Variants in TRMT44 observed in about 807,000 individuals in gnomAD.
TRMT44 encodes the protein tRNA methyltransferase 44 homolog, also known as probable tRNA (uracil-O(2)-)-methyltransferase.
Under a neutral mutation model 77.3 loss-of-function variants are expected in TRMT44, and 78 were observed. That is an observed-to-expected ratio of 1.01 (90% CI 0.84 to 1.22). The LOEUF is 1.22. Ranked by LOEUF, TRMT44 falls within the 50% of genes most tolerant of loss-of-function variation. The pLI is 0.00. For missense variants in TRMT44, 1,090 were observed against 964.4 expected (o/e 1.13, Z -1.73); for synonymous variants, 391 against 383.3 (o/e 1.02, Z -0.23).
At chr4:8,514,819 AAAGGCCCCC>A in the TRMT44 span, among the ~76,000 whole-genome samples, 2 of 152,222 alleles carry the variant, frequency 1.3e-5, no homozygotes, top group Middle Eastern at 3.2e-3. Flanking sequence ...AGTTACCTGC[AAAGGCCCCC>A]AAGCTCAGGC....
chr4:8,458,465 T>A (rs897940124), intron 6 of TRMT44, among the ~76,000 whole-genome samples: 1 of 71,000 alleles, frequency 1.4e-5, no homozygotes, highest in Non-Finnish European at 3.6e-5. Context: ...TTTTCTTTTC[T>A]TTTTTTTTTT....
downstream of TRMT44, among the ~76,000 whole-genome samples, chr4:8,479,949 C>T: frequency 6.6e-6 from 1 of 152,084 alleles, no homozygotes; most frequent in Admixed American, 6.5e-5. Flanking sequence ...GCCATCTCGG[C>T]TCACTACAGT....
At chr4:8,455,348 G>T (rs1725737583) in intron 6 of TRMT44, among the ~76,000 whole-genome samples, 1 of 152,358 alleles carries the variant, frequency 6.6e-6, no homozygotes, top group East Asian at 1.9e-4. Context: ...GCTTCTTGGA[G>T]CACCCCCATG....
the TRMT44 span, among the ~76,000 whole-genome samples, chr4:8,499,576 AGTGTCCTGAGGGTCGATTTAGT>A: frequency 0.48 from 67,668 of 140,690 alleles, 16,484 homozygotes; most frequent in Admixed American, 0.53. Flanking sequence ...GAGGGAGGGG[AGTGTCCTGAGGGTCGATTTAGT>A]GTGTCCTGAG....
At chr4:8,456,521 T>G (rs1725818575) in intron 6 of TRMT44, among the ~76,000 whole-genome samples, 1 of 146,808 alleles carries the variant, frequency 6.8e-6, no homozygotes, top group Non-Finnish European at 1.5e-5. Flanking sequence ...GATAAATGAA[T>G]CCAGTGTAAG....
At chr4:8,495,138 G>A (rs1728114827), downstream of TRMT44, among the ~76,000 whole-genome samples, 1 of 152,234 alleles carries the variant, frequency 6.6e-6, no homozygotes, top group South Asian at 2.1e-4. Flanking sequence ...GAGACCCCAG[G>A]TTAGGGTAGG....
chr4:8,442,849 G>A (rs746418117), intron 1 of TRMT44, among the ~76,000 whole-genome samples: 1 of 152,052 alleles, frequency 6.6e-6, no homozygotes, highest in African/African-American at 2.4e-5. Flanking sequence ...TCTCTCCTCC[G>A]CCTCCAGCCA....
intron 9 of TRMT44, 110 bp from the exon 10 acceptor site, chr4:8,470,974 G>A (rs1726950022): frequency 2.8e-6 from 2 of 726,152 alleles, no homozygotes; most frequent in Non-Finnish European, 4.8e-6. Context: ...GTGCTGGAGT[G>A]CATAACGCGT....
At position 8,473,957 on chromosome 4, in the gene TRMT44, C is replaced by A. The variant is rs560531295; in HGVS notation, c.2045-1815C>A. Among the ~76,000 whole-genome samples, 6 of 152,316 alleles carry A rather than the reference C, an allele frequency of 3.9e-5. No individual in the cohort carries two copies. The South Asian group carries it at 1.0e-3, about 26-fold the overall frequency. ...TCGGGAGCCTCATCTCTATCATCAG[C>A]GCCCGCTCCTCAGTCCTTAGACACC... On this transcript the variant is annotated intron_variant, in intron 10 of 10. Transcript: ENST00000389737.
intron 10 of TRMT44, among the ~76,000 whole-genome samples, chr4:8,474,348 G>A (rs1212922645): frequency 6.6e-6 from 1 of 152,152 alleles, no homozygotes; most frequent in East Asian, 1.9e-4. Context: ...AGTGTCGCGG[G>A]ACTGCCTTAA....
At chr4:8,460,537 C>G (rs1171080732) in intron 6 of TRMT44, among the ~76,000 whole-genome samples, 1 of 150,716 alleles carries the variant, frequency 6.6e-6, no homozygotes, top group Non-Finnish European at 1.5e-5. Context: ...TATTCCAAAA[C>G]TATTTTTATG....
rs575935987 is a variant in TRMT44 at position 8,490,535 on chromosome 4, C to G, written n.3892-2731C>G. Among the ~76,000 whole-genome samples the G allele has an allele frequency of 3.4e-4, 52 of 152,142 alleles. 1 individual carries two copies. In the East Asian group the frequency reaches 6.8e-3, roughly 20 times the overall value. On this transcript the variant is annotated intron_variant and non_coding_transcript_variant, in intron 2 of 2. Coordinates refer to the TRMT44 transcript ENST00000511366. The stretch of plus-strand genomic sequence containing the variant: ...TGGCTTCAGGAGTGAAGCCGCAGAC[C>G]TTCGCGGTGAGTGTTACAGTTCTTA...
In TRMT44 at chr4:8,444,022, A is replaced by C. The variant is rs949319633; in HGVS notation, c.620-2454A>C. ...TGTTAGTAGCAGGTGACAGGATGAC[A>C]TAGTGGTTAAGAACTTGACTTCTTT... On this transcript the variant is annotated intron_variant, in intron 1 of 10. Transcript: ENST00000389737. This position sits in a 1 kb window ranked among gnomAD's most constrained non-coding sequence, Gnocchi z 4.0. 6.6e-6 allele frequency among the ~76,000 whole-genome samples: 1 copy of C among 152,118 alleles called. No homozygotes were observed. The highest frequency in any genetic ancestry group is 1.9e-4 in the East Asian group (1 of 5,198).
rs1725434531 is a variant in TRMT44 at position 8,451,302 on chromosome 4, T to C, written c.955-658T>C. ...TTTTTCCAGCTTTTGAAATTGTTTC[T>C]AGTGGGATGGTTCATCTGTATTGTC... On this transcript the variant is annotated intron_variant, in intron 3 of 10. Transcript: ENST00000389737. The surrounding 1 kb of genome is among the most constrained non-coding windows in gnomAD (Gnocchi z 4.1). 6.6e-6 allele frequency among the ~76,000 whole-genome samples: 1 copy of C among 152,198 alleles called. No individual in the cohort carries two copies. Among genetic ancestry groups the C allele is most frequent in the Non-Finnish European group, 1.5e-5 (1 of 68,046 alleles).
chr4:8,468,507 T>A, intron 9 of TRMT44, 161 bp downstream of exon 9: 1 of 692,220 alleles, frequency 1.4e-6, no homozygotes, highest in Non-Finnish European at 2.4e-6. Context: ...GCAAATTCTT[T>A]AAAATTTTCC....
chr4:8,491,138 CAG>C (rs1727990078), intron 2 of TRMT44, among the ~76,000 whole-genome samples: 9 of 152,010 alleles, frequency 5.9e-5, no homozygotes, highest in Admixed American at 5.9e-4. Context: ...CAGCTAGATA[CAG>C]AGTGTCCGAT....
In TRMT44 at chr4:8,470,866, G is replaced by A. The variant is rs573414848; in HGVS notation, c.1928-218G>A. 2.1e-5 allele frequency: 10 copies of A among 479,208 alleles called. 1 individual carries two copies. Among genetic ancestry groups the A allele is most frequent in the South Asian group, 9.2e-5 (3 of 32,756 alleles). The allele number at this position is 479,208 out of a possible 1,614,324, so 29.7% of individuals were successfully genotyped here. The stretch of plus-strand genomic sequence containing the variant: ...GGGCATGGGGCATGTGTGGGGCTGC[G>A]TCTTGTCAGGCTGTGCCACCTTAGC... On this transcript the variant is annotated intron_variant, in intron 9 of 10. Coordinates refer to ENST00000389737, the MANE Select transcript of TRMT44 (RefSeq NM_152544.3).
At chr4:8,499,554 G>T in the TRMT44 span, among the ~76,000 whole-genome samples, 1 of 144,656 alleles carries the variant, frequency 6.9e-6, no homozygotes, top group Admixed American at 6.9e-5. Context: ...GTGTTGGGGC[G>T]TGTGGGGTGG....
At chr4:8,467,293 C>G (rs1027947259) in intron 8 of TRMT44, among the ~76,000 whole-genome samples, 2 of 152,150 alleles carry the variant, frequency 1.3e-5, no homozygotes, top group African/African-American at 4.8e-5. Context: ...GAATGAGGGG[C>G]GGCAGCGGGA....
Sources: gnomAD v4.1 joint callset for allele counts (sites outside exome capture counted in the v4.1 genomes callset) on GRCh38, gnomAD v4.1.1 for gene constraint, Gnocchi (gnomAD v3.1) non-coding constraint, MANE v1.5 for transcripts, NCBI Gene and HGNC (gene_info 2026-07-23, HGNC 2026-07-21) for gene names.